PRKG1: variants seen among roughly 807,000 people sequenced by gnomAD.
The protein encoded by PRKG1 is cGMP-dependent protein kinase 1.
In PRKG1, 35 loss-of-function variants were observed where a neutral mutation model predicts 88.1. The observed-to-expected ratio is 0.40, with a 90% CI of 0.30 to 0.53. The LOEUF (loss-of-function observed/expected upper bound fraction) is 0.53, where lower values mean the gene tolerates loss of function less well. Ranked by LOEUF, PRKG1 falls within the 20% of genes least tolerant of loss-of-function variation. The pLI is 0.59. For synonymous variants in PRKG1, 303 were observed against 292.5 expected (o/e 1.04, Z -0.37); for missense variants, 540 against 839.8 (o/e 0.64, Z 4.41).
At chr10:51,602,081 G>C (rs1024459581) in intron 3 of PRKG1, among the ~76,000 whole-genome samples, 6 of 151,998 alleles carry the variant, frequency 3.9e-5, no homozygotes, top group African/African-American at 1.4e-4. Flanking sequence ...CATTTCACTT[G>C]GAGAGTTTAA....
At chr10:51,338,054 G>A (rs1411124200) in intron 2 of PRKG1, among the ~76,000 whole-genome samples, 1 of 152,052 alleles carries the variant, frequency 6.6e-6, no homozygotes, top group Non-Finnish European at 1.5e-5. Flanking sequence ...ATACACCATA[G>A]AATACTATGC....
At chr10:52,022,757 G>T (rs1278774503) in intron 5 of PRKG1, among the ~76,000 whole-genome samples, 7 of 152,096 alleles carry the variant, frequency 4.6e-5, no homozygotes, top group Non-Finnish European at 1.0e-4. Context: ...ATTTGGGTTT[G>T]TATGGAGCAT....
chr10:51,347,281 A>G (rs1842134276), intron 2 of PRKG1, among the ~76,000 whole-genome samples: 1 of 152,332 alleles, frequency 6.6e-6, no homozygotes, highest in Admixed American at 6.5e-5. Flanking sequence ...ATGTTGAAGA[A>G]GAGTGAATAT....
intron 1 of PRKG1, among the ~76,000 whole-genome samples, chr10:51,075,216 G>C (rs78430422): frequency 1.9e-4 from 29 of 152,344 alleles, no homozygotes; most frequent in African/African-American, 6.5e-4. Context: ...GTGTGTGTGA[G>C]TGTGAGAGAA....
At chr10:51,232,412 T>G (rs574143630) in intron 2 of PRKG1, among the ~76,000 whole-genome samples, 2 of 152,324 alleles carry the variant, frequency 1.3e-5, no homozygotes, top group South Asian at 4.1e-4. Context: ...AGGTATGGTA[T>G]GCTACTGTTT....
At chr10:51,748,668 A>T (rs1227421450) in intron 3 of PRKG1, among the ~76,000 whole-genome samples, 1 of 152,356 alleles carries the variant, frequency 6.6e-6, no homozygotes, top group South Asian at 2.1e-4. Context: ...AAGCCAAAAT[A>T]CGGGTCATGA....
chr10:51,653,216 A>G (rs930323555), intron 3 of PRKG1, among the ~76,000 whole-genome samples: 4 of 152,178 alleles, frequency 2.6e-5, no homozygotes, highest in Non-Finnish European at 5.9e-5. Context: ...TTTCCTTTGG[A>G]TATATGCCCA....
At chr10:51,660,254 T>A (rs982716485) in intron 3 of PRKG1, among the ~76,000 whole-genome samples, 1 of 152,062 alleles carries the variant, frequency 6.6e-6, no homozygotes, top group Middle Eastern at 3.4e-3. Flanking sequence ...TCATGCTGAA[T>A]GCTAGCTATA....
intron 13 of PRKG1, among the ~76,000 whole-genome samples, chr10:52,281,317 G>C (rs1238176283): frequency 6.6e-6 from 1 of 151,910 alleles, no homozygotes; most frequent in Non-Finnish European, 1.5e-5. Flanking sequence ...AATGCTAATG[G>C]AAAAAAATGT....
chr10:51,098,876 G>A (rs1844608748), intron 1 of PRKG1, among the ~76,000 whole-genome samples: 1 of 152,114 alleles, frequency 6.6e-6, no homozygotes, highest in African/African-American at 2.4e-5. Flanking sequence ...CTGGGTAACT[G>A]ATGGTTTTTC....
chr10:51,452,681 G>T (rs1839469995), intron 2 of PRKG1, among the ~76,000 whole-genome samples: 1 of 151,972 alleles, frequency 6.6e-6, no homozygotes, highest in South Asian at 2.1e-4. Context: ...TATGCTGTTG[G>T]ATTCGGTTAG....
rs534489799 is a variant in PRKG1, at chr10:52,291,351, C to T, written c.1962+1061C>T. The stretch of plus-strand genomic sequence containing the variant: ...ACATGTGCCATGCTGGTGTGCTGCA[C>T]CCATTAACTTGTCATTTAGCATTAG... On this transcript the variant is annotated intron_variant, in intron 17 of 17. Transcript: ENST00000373980. Among the ~76,000 whole-genome samples the T allele has an allele frequency of 2.0e-5, 3 of 150,732 alleles. No individual in the cohort carries two copies. In the South Asian group the frequency reaches 6.3e-4, roughly 32 times the overall value.
At chr10:51,452,361 C>G (rs1312420736) in intron 2 of PRKG1, among the ~76,000 whole-genome samples, 1 of 151,762 alleles carries the variant, frequency 6.6e-6, no homozygotes, top group African/African-American at 2.4e-5. Flanking sequence ...GGATCCTTGT[C>G]TTTTTTCAGT....
chr10:51,065,490 T>C (rs1843738942), intron 1 of PRKG1, among the ~76,000 whole-genome samples: 1 of 152,126 alleles, frequency 6.6e-6, no homozygotes, highest in South Asian at 2.1e-4. Context: ...GGGATGTATT[T>C]TTTTTCCATA....
intron 2 of PRKG1, among the ~76,000 whole-genome samples, chr10:51,344,677 A>G (rs577784119): frequency 1.3e-5 from 2 of 151,838 alleles, no homozygotes; most frequent in African/African-American, 4.8e-5. Flanking sequence ...TTTTTTTTTC[A>G]CTGTCTTATA....
intron 1 of PRKG1, among the ~76,000 whole-genome samples, chr10:51,047,950 G>A (rs1363439200): frequency 6.6e-6 from 1 of 152,122 alleles, no homozygotes; most frequent in Non-Finnish European, 1.5e-5. Flanking sequence ...AGTCATGTTA[G>A]TTTGTGAACC....
chr10:51,926,202 GA>G (rs1174980911), intron 5 of PRKG1, among the ~76,000 whole-genome samples: 2 of 152,128 alleles, frequency 1.3e-5, no homozygotes, highest in African/African-American at 4.8e-5. Context: ...TCAAAATAAT[GA>G]GATGACATTG....
At chr10:51,235,420 A>ACAAG (rs1291801281) in intron 2 of PRKG1, among the ~76,000 whole-genome samples, 2 of 151,802 alleles carry the variant, frequency 1.3e-5, no homozygotes, top group African/African-American at 4.8e-5. Flanking sequence ...AAACAAACAA[A>ACAAG]CAAAACTTCT....
At chr10:51,346,456 T>A (rs1397451392) in intron 2 of PRKG1, among the ~76,000 whole-genome samples, 1 of 152,228 alleles carries the variant, frequency 6.6e-6, no homozygotes, top group Non-Finnish European at 1.5e-5. Context: ...AAATTAAGAT[T>A]TTTATCTAGA....
Sources: allele counts gnomAD v4.1 joint callset (sites outside exome capture counted in the v4.1 genomes callset), GRCh38; gene constraint gnomAD v4.1.1; transcripts MANE v1.5; gene names NCBI Gene and HGNC (gene_info 2026-07-23, HGNC 2026-07-21).